The following SLC12A2 variants were observed in gnomAD, a reference collection of about 807,000 sequenced individuals.
SLC12A2 encodes Na-K-2Cl cotransporter 1.
A neutral mutation model predicts 136.3 loss-of-function variants in SLC12A2; 67 were observed. The observed-to-expected ratio is 0.49, with a 90% CI of 0.40 to 0.60. SLC12A2 has a LOEUF of 0.60. SLC12A2 is among the 20% of genes least tolerant of loss of function. The probability of loss-of-function intolerance (pLI) is 0.00; values close to 1 mark genes in which losing one functional copy is unlikely to be tolerated. For synonymous variants in SLC12A2, 619 were observed against 562.9 expected (o/e 1.10, Z -1.41); for missense variants, 1,322 against 1,534.7 (o/e 0.86, Z 2.32).
At chr5:128,182,255 A>G (rs1015649945) in intron 23 of SLC12A2, among the ~76,000 whole-genome samples, 1 of 152,102 alleles carries the variant, frequency 6.6e-6, no homozygotes, top group South Asian at 2.1e-4. Flanking sequence ...CTTTTTGTAT[A>G]TATGTGCACT....
chr5:128,160,127 C>CT (rs1316582944), intron 16 of SLC12A2, among the ~76,000 whole-genome samples: 1 of 152,082 alleles, frequency 6.6e-6, no homozygotes, highest in Non-Finnish European at 1.5e-5. Flanking sequence ...TCTCAGCAAA[C>CT]TAACACAAGA....
chr5:128,152,944 C>A, intron 15 of SLC12A2, 139 bp downstream of exon 15: 2 of 598,804 alleles, frequency 3.3e-6, no homozygotes, highest in Non-Finnish European at 6.0e-6. Flanking sequence ...CAAAATTGTA[C>A]AAAGAAAAAT....
In SLC12A2 at chr5:128,179,645, T is replaced by G. The variant is rs964775183; in HGVS notation, c.3100+956T>G. On this transcript the variant is annotated intron_variant, in intron 22 of 26. Transcript: ENST00000262461. ...GATGAAAGCAAGAGTGAGAGAGTCA[T>G]AGAGAGGAGACAGAGATGCCACACA... 2.6e-5 allele frequency among the ~76,000 whole-genome samples: 4 copies of G among 151,946 alleles called. No individual in the cohort carries two copies. In the East Asian group the frequency reaches 5.8e-4, roughly 22 times the overall value.
Position 128,134,285 on chromosome 5 carries a change from G to A in SLC12A2, c.1299+10G>A, listed in dbSNP as rs1762117378. The A allele has an allele frequency of 7.7e-7, 1 of 1,296,414 alleles. No homozygotes were observed. The highest frequency in any genetic ancestry group is 1.1e-6 in the Non-Finnish European group (1 of 891,602). The allele number at this position is 1,296,414 out of a possible 1,614,324, so 80.3% of individuals were successfully genotyped here. On this transcript the variant is annotated intron_variant, in intron 6 of 26. Transcript: ENST00000262461. Reference sequence around the variant, plus strand: ...GGAGTGGGAAGCAAAAGTAAGTTATGATAGGAACACCTGTAAATATTTAAT... The same window carrying A: ...GGAGTGGGAAGCAAAAGTAAGTTATAATAGGAACACCTGTAAATATTTAAT...
At chr5:128,145,230 A>G (rs868664759) in intron 10 of SLC12A2, among the ~76,000 whole-genome samples, 5 of 152,136 alleles carry the variant, frequency 3.3e-5, no homozygotes, top group African/African-American at 9.7e-5. Context: ...AGGAAAGGTT[A>G]TAGTAATGCT....
intron 10 of SLC12A2, among the ~76,000 whole-genome samples, chr5:128,146,538 GTTTT>G (rs148115807): frequency 3.3e-4 from 47 of 141,388 alleles, no homozygotes; most frequent in African/African-American, 1.1e-3. Flanking sequence ...TGTTGTTGGT[GTTTT>G]TTTTTTTTTT....
chr5:128,185,369 C>A (rs1031047479), intron 26 of SLC12A2, among the ~76,000 whole-genome samples: 1 of 152,152 alleles, frequency 6.6e-6, no homozygotes, highest in African/African-American at 2.4e-5. Context: ...TACTTTGGCT[C>A]TTCCTCTACT....
At chr5:128,130,962 A>T (rs1270796911) in intron 4 of SLC12A2, 105 bp from the exon 5 acceptor site, 13 of 1,012,044 alleles carry the variant, frequency 1.3e-5, no homozygotes, top group East Asian at 7.2e-5. Context: ...TGCTCTGCTT[A>T]TTGGGGGCAT....
intron 4 of SLC12A2, among the ~76,000 whole-genome samples, chr5:128,128,907 T>C (rs1285837937): frequency 1.3e-5 from 2 of 152,058 alleles, no homozygotes; most frequent in African/African-American, 2.4e-5. Flanking sequence ...GTGCAGTTGT[T>C]TTTACATTCT....
Position 128,084,539 on chromosome 5 carries a change from C to T in SLC12A2, c.585C>T (p.His195=), listed in dbSNP as rs1443905543. Residue 195 remains histidine (H), a synonymous_variant, in exon 1 of 27, where the codon CAC becomes CAT. Coordinates refer to ENST00000262461, the MANE Select transcript of SLC12A2 (RefSeq NM_001046.3). This position sits in a 1 kb window ranked among gnomAD's most constrained non-coding sequence, Gnocchi z 5.6. The stretch of plus-strand genomic sequence containing the variant: ...CCGGCGGCGGCGGCGGCAGTGGGCA[C>T]CACCAGCACTACTATTATGATACCC... ...LHSGGGGGSG[H]HQHYYYDTHT... is the part of the protein sequence containing the mutation. 10 of 1,613,678 alleles carry T rather than the reference C, an allele frequency of 6.2e-6. No homozygotes were observed. The highest frequency in any genetic ancestry group is 1.6e-4 in the Middle Eastern group (1 of 6,062).
chr5:128,177,209 C>T, intron 21 of SLC12A2, 57 bp downstream of exon 21: 1 of 1,230,940 alleles, frequency 8.1e-7, no homozygotes, highest in Non-Finnish European at 1.2e-6. Context: ...AACTCTTTAA[C>T]TCCAACCTTA....
chr5:128,176,335 GA>G (rs1313791864), intron 20 of SLC12A2, among the ~76,000 whole-genome samples: 4 of 151,988 alleles, frequency 2.6e-5, no homozygotes, highest in Non-Finnish European at 5.9e-5. Context: ...GTAGAGGTAA[GA>G]TTGCAATCTT....
intron 18 of SLC12A2, chr5:128,169,603 T>C (rs368863998): frequency 6.6e-6 from 1 of 152,310 alleles, no homozygotes; most frequent in African/African-American, 2.4e-5. Flanking sequence ...ATTAATGTTT[T>C]TGTAAGCAAA....
chr5:128,185,662 TAAGAG>T (rs1415802322), intron 26 of SLC12A2, among the ~76,000 whole-genome samples: 2 of 152,148 alleles, frequency 1.3e-5, no homozygotes, highest in Admixed American at 6.5e-5. Context: ...AAATTAAAAC[TAAGAG>T]AAGATAAAAA....
chr5:128,112,968 C>T, intron 2 of SLC12A2, 35 bp downstream of exon 2: 3 of 1,517,042 alleles, frequency 2.0e-6, no homozygotes, highest in South Asian at 2.6e-5. Flanking sequence ...ATAGTTACAG[C>T]ATATCTGTTG....
rs1200041849 is a variant in SLC12A2, at chr5:128,127,597, A to G, written c.1049-3470A>G. 3.3e-5 allele frequency among the ~76,000 whole-genome samples: 5 copies of G among 151,634 alleles called. No individual in the cohort carries two copies. In the East Asian group the frequency reaches 9.7e-4, roughly 29 times the overall value. On this transcript the variant is annotated intron_variant, in intron 4 of 26. Coordinates refer to ENST00000262461, the MANE Select transcript of SLC12A2 (RefSeq NM_001046.3). ...TTTTTTTTTGGCAGGAGTGCTTATC[A>G]CAAATTTAATTTCTGTCATACTATA...
chr5:128,133,476 A>T lies in SLC12A2; in HGVS notation c.1189-689A>T, dbSNP rs546420634. On this transcript the variant is annotated intron_variant, in intron 5 of 26. Transcript: ENST00000262461. Reference sequence around the variant, plus strand: ...GCTTTTTCTTAAAAGAAGCAAATTGATAGGATTATTATAATCTGTACTTTA... The same window carrying T: ...GCTTTTTCTTAAAAGAAGCAAATTGTTAGGATTATTATAATCTGTACTTTA... Among the ~76,000 whole-genome samples the T allele has an allele frequency of 1.0e-3, 152 of 152,278 alleles. 3 individuals carry two copies. Among genetic ancestry groups the T allele is most frequent in the Admixed American group, 2.3e-3 (35 of 15,308 alleles).
At position 128,131,051 on chromosome 5, in the gene SLC12A2, G is replaced by C. The variant is rs774851526; in HGVS notation, c.1049-16G>C. ...ACTTTAGTACCTGTTTTTTTTGTTT[G>C]TTTGTTTGTTTTTAGGAGGAGCATA... On this transcript the variant is annotated splice_polypyrimidine_tract_variant and intron_variant, in intron 4 of 26. Transcript: ENST00000262461. 1 of 1,604,376 alleles carries C rather than the reference G, an allele frequency of 6.2e-7. No individual in the cohort carries two copies. Among genetic ancestry groups the C allele is most frequent in the African/African-American group, 1.3e-5 (1 of 74,076 alleles).
chr5:128,158,204 A>T (rs756396038), intron 16 of SLC12A2, 40 bp downstream of exon 16: 21 of 1,437,468 alleles, frequency 1.5e-5, no homozygotes, highest in South Asian at 3.6e-5. Context: ...GTTTTTTTTT[A>T]AAGTTTTATT....
Sources: gnomAD v4.1 joint callset for allele counts (sites outside exome capture counted in the v4.1 genomes callset) on GRCh38, gnomAD v4.1.1 for gene constraint, Gnocchi (gnomAD v3.1) non-coding constraint, MANE v1.5 for transcripts, NCBI Gene and HGNC (gene_info 2026-07-23, HGNC 2026-07-21) for gene names.